The following TAF4 variants were observed in gnomAD, a reference collection of about 807,000 sequenced individuals.
TAF4 encodes the protein transcription initiation factor TFIID subunit 4.
In TAF4, 9 loss-of-function variants were observed where a neutral mutation model predicts 90.3. That is an observed-to-expected ratio of 0.10 (90% CI 0.06 to 0.17). The LOEUF (loss-of-function observed/expected upper bound fraction) is 0.17. Among genes scored for constraint, TAF4 ranks in the 10% least tolerant of loss-of-function variants. The pLI, the probability that TAF4 is intolerant of heterozygous loss-of-function variation, is 1.00. For missense variants in TAF4, 1,351 were observed against 1,370.7 expected (o/e 0.99, Z 0.23); for synonymous variants, 818 against 638.9 (o/e 1.28, Z -4.23).
Position 62,006,289 on chromosome 20 carries a change from C to G in TAF4, c.2223+221G>C, listed in dbSNP as rs2055744609. ...GCGGGGACGTGCCGGTGGTTCAAAG[C>G]CAACTCAACTATTTCATTTTACTGA... On this transcript the variant is annotated intron_variant, in intron 7 of 14. Coordinates refer to ENST00000252996, the MANE Select transcript of TAF4 (RefSeq NM_003185.4). This position sits in a 1 kb window ranked among gnomAD's most constrained non-coding sequence, Gnocchi z 7.0. 1.7e-6 allele frequency: 1 copy of G among 582,594 alleles called. No individual in the cohort carries two copies. Among genetic ancestry groups the G allele is most frequent in the Admixed American group, 4.3e-5 (1 of 23,080 alleles). The allele number at this position is 582,594 out of a possible 1,614,324, so 36.1% of individuals were successfully genotyped here. A position where few individuals can be genotyped will look rare whatever the true frequency, so the allele number is the denominator to read the frequency against.
In TAF4 at chr20:61,995,586, G is replaced by A. The variant is rs1286311758; in HGVS notation, c.3090+1964C>T. On this transcript the variant is annotated intron_variant, in intron 14 of 14. Coordinates refer to ENST00000252996, the MANE Select transcript of TAF4 (RefSeq NM_003185.4). ...TGAAATGGAAAAAAAAATTTGAGCC[G>A]GGCGCGGTGGCTCACGCCTGTAATC... Among the ~76,000 whole-genome samples, 5 of 14,728 alleles carry A rather than the reference G, an allele frequency of 3.4e-4. 2 individuals are homozygous for A. The highest frequency in any genetic ancestry group is 6.4e-4 in the Non-Finnish European group (5 of 7,788). The allele number at this position is 14,728 out of a possible 152,430, so 9.7% of individuals were successfully genotyped here.
chr20:62,004,786 G>C (rs1600838972), intron 7 of TAF4: 1 of 152,382 alleles, frequency 6.6e-6, no homozygotes, highest in Non-Finnish European at 1.5e-5. Context: ...CTCGTGGCAG[G>C]GTCTGCCCAG....
chr20:62,052,455 G>A (rs976489610), intron 1 of TAF4, among the ~76,000 whole-genome samples: 4 of 151,902 alleles, frequency 2.6e-5, no homozygotes, highest in Non-Finnish European at 2.9e-5. Flanking sequence ...GGAACCAGCC[G>A]CCTCCAGTCA....
chr20:62,053,653 C>T (rs1240798146), intron 1 of TAF4, among the ~76,000 whole-genome samples: 2 of 152,230 alleles, frequency 1.3e-5, no homozygotes, highest in East Asian at 1.9e-4. Context: ...GAGCTACTGC[C>T]GAGTGAACGT....
At chr20:62,030,874 C>T (rs997371151) in intron 1 of TAF4, among the ~76,000 whole-genome samples, 4 of 152,214 alleles carry the variant, frequency 2.6e-5, no homozygotes, top group East Asian at 1.9e-4. Flanking sequence ...GGAGGCTCTC[C>T]GTACCCCACC....
chr20:62,062,989 C>G (rs940203708), intron 1 of TAF4, among the ~76,000 whole-genome samples: 2 of 152,344 alleles, frequency 1.3e-5, no homozygotes, highest in Admixed American at 6.5e-5. Flanking sequence ...CTTTTTACAA[C>G]GTTACTAAAG....
chr20:61,987,175 C>G (rs1161609281), intron 14 of TAF4, among the ~76,000 whole-genome samples: 1 of 152,178 alleles, frequency 6.6e-6, no homozygotes, highest in Non-Finnish European at 1.5e-5. Flanking sequence ...AACTGAGATT[C>G]TACAGCCTGG....
chr20:61,988,503 G>A (rs1481309586), intron 14 of TAF4, among the ~76,000 whole-genome samples: 1 of 152,296 alleles, frequency 6.6e-6, no homozygotes, highest in East Asian at 1.9e-4. Flanking sequence ...TACTATTTCT[G>A]TAACTTTCCT....
chr20:62,061,902 T>C (rs1026398062), intron 1 of TAF4, among the ~76,000 whole-genome samples: 1 of 152,228 alleles, frequency 6.6e-6, no homozygotes, highest in African/African-American at 2.4e-5. Context: ...AAATTCAACA[T>C]ACCCGGTGTG....
In TAF4 at chr20:62,065,594, C is replaced by G; in HGVS notation, c.217G>C (p.Ala73Pro). Residue 73 changes from alanine (A) to proline (P), a missense_variant, in exon 1 of 15, where the codon GCA becomes CCA. Transcript: ENST00000252996. ...VSGSPAGAAG[A>P]GPAAPAEGAP... ...CCCTCGGCGGGGGCGGCCGGCCCTG[C>G]GCCCGCGGCTCCGGCCGGGCTGCCG... 1.0e-6 allele frequency: 1 copy of G among 984,218 alleles called. No homozygotes were observed. The highest frequency in any genetic ancestry group is 1.2e-6 in the Non-Finnish European group (1 of 831,918). The allele number at this position is 984,218 out of a possible 1,614,324, so 61.0% of individuals were successfully genotyped here. A position where few individuals can be genotyped will look rare whatever the true frequency, so the allele number is the denominator to read the frequency against.
At chr20:62,013,295 T>C (rs1600843607) in intron 2 of TAF4, among the ~76,000 whole-genome samples, 1 of 151,872 alleles carries the variant, frequency 6.6e-6, no homozygotes, top group Non-Finnish European at 1.5e-5. Context: ...CGCAAAGGGG[T>C]AGGGAGGTGG....
chr20:62,018,193 A>G (rs2055823473), intron 1 of TAF4, among the ~76,000 whole-genome samples: 1 of 152,244 alleles, frequency 6.6e-6, no homozygotes, highest in African/African-American at 2.4e-5. Context: ...ACAGCACATA[A>G]GAGGCGCTGT....
chr20:62,024,196 G>C (rs887867747), intron 1 of TAF4, among the ~76,000 whole-genome samples: 1 of 152,224 alleles, frequency 6.6e-6, no homozygotes, highest in Non-Finnish European at 1.5e-5. Context: ...ATTCAGTGGT[G>C]AGGACGGGCT....
At chr20:62,057,657 T>C (rs1231183185) in intron 1 of TAF4, among the ~76,000 whole-genome samples, 1 of 63,278 alleles carries the variant, frequency 1.6e-5, no homozygotes, top group African/African-American at 8.6e-5. Context: ...CCACAGACAA[T>C]GGGGCTCGGG....
At chr20:62,008,930 G>A (rs1449213724) in intron 5 of TAF4, 122 bp downstream of exon 5, 3 of 1,348,448 alleles carry the variant, frequency 2.2e-6, no homozygotes, top group Non-Finnish European at 3.0e-6. Flanking sequence ...TTCGCCTGCA[G>A]CCTTCCAGAG....
rs184226640 is a variant in TAF4 at position 62,031,643 on chromosome 20, G to A, written c.1361-16936C>T. ...CAGCTGAACAGAGCCCAAGGTGGGC[G>A]TTTTTCACTCTATTCTCCCTCTCCC... On this transcript the variant is annotated intron_variant, in intron 1 of 14. Transcript: ENST00000252996. Among the ~76,000 whole-genome samples, 4 of 152,248 alleles carry A rather than the reference G, an allele frequency of 2.6e-5. No homozygotes were observed. In the East Asian group the frequency reaches 7.7e-4, roughly 29 times the overall value.
intron 7 of TAF4, chr20:62,004,395 C>T (rs1384083790): frequency 7.3e-6 from 1 of 137,400 alleles, no homozygotes; most frequent in Non-Finnish European, 1.5e-5. Context: ...GGCATGATCT[C>T]GGTTCACTGC....
chr20:61,977,452 G>A (rs1051025778), intron 14 of TAF4, among the ~76,000 whole-genome samples: 12 of 152,232 alleles, frequency 7.9e-5, no homozygotes, highest in African/African-American at 2.9e-4. Flanking sequence ...GTGTGTGCCA[G>A]TGGGAGCCTT....
At chr20:62,049,654 C>CG (rs6147405) in intron 1 of TAF4, among the ~76,000 whole-genome samples, 23 of 152,018 alleles carry the variant, frequency 1.5e-4, no homozygotes, top group African/African-American at 5.3e-4. Flanking sequence ...GCACCCTGCC[C>CG]CTCATCCACC....
Sources: allele counts gnomAD v4.1 joint callset (sites outside exome capture counted in the v4.1 genomes callset), GRCh38; gene constraint gnomAD v4.1.1; non-coding constraint Gnocchi (gnomAD v3.1); transcripts MANE v1.5; gene names NCBI Gene and HGNC (gene_info 2026-07-23, HGNC 2026-07-21).